EIPR1: variants seen among roughly 807,000 people sequenced by gnomAD.
EIPR1 encodes the protein EARP and GARP complex-interacting protein 1.
A neutral mutation model predicts 48.1 loss-of-function variants in EIPR1; 25 were observed. The observed-to-expected ratio is 0.52, with a 90% CI of 0.38 to 0.73. The LOEUF is 0.73. Ranked by LOEUF, EIPR1 falls within the 30% of genes least tolerant of loss-of-function variation. The pLI is 0.00. For synonymous variants in EIPR1, 204 were observed against 201.9 expected (o/e 1.01, Z -0.09); for missense variants, 415 against 506.2 (o/e 0.82, Z 1.73).
At chr2:3,276,907 T>C (rs1351374105) in intron 3 of EIPR1, among the ~76,000 whole-genome samples, 3 of 152,228 alleles carry the variant, frequency 2.0e-5, no homozygotes, top group Non-Finnish European at 2.9e-5. Context: ...ATTAATTTAC[T>C]GAAATTTCTA....
chr2:3,286,266 G>C lies in EIPR1; in HGVS notation c.260-28811C>G, dbSNP rs1322159235. Among the ~76,000 whole-genome samples, 1 of 152,214 alleles carries C rather than the reference G, an allele frequency of 6.6e-6. No homozygotes were observed. The highest frequency in any genetic ancestry group is 6.5e-5 in the Admixed American group (1 of 15,286). On this transcript the variant is annotated intron_variant, in intron 3 of 8. Transcript: ENST00000382125. This position sits in a 1 kb window ranked among gnomAD's most constrained non-coding sequence, Gnocchi z 4.2. Reference sequence around the variant, plus strand: ...AGGTTGGCCTCATTTACAAACCCAGGGTGATTCGACAACTGCCGTCACCGT... The same window carrying C: ...AGGTTGGCCTCATTTACAAACCCAGCGTGATTCGACAACTGCCGTCACCGT...
chr2:3,208,316 T>C, intron 5 of EIPR1: 2 of 673,346 alleles, frequency 3.0e-6, no homozygotes, highest in Non-Finnish European at 4.8e-6. Flanking sequence ...ACAGGAGAGG[T>C]CTGGGCAGGC....
At chr2:3,228,476 C>T (rs1253373374) in intron 4 of EIPR1, among the ~76,000 whole-genome samples, 3 of 152,192 alleles carry the variant, frequency 2.0e-5, no homozygotes, top group African/African-American at 7.2e-5. Context: ...AGGGACTTGC[C>T]TTGTCTCAGA....
intron 3 of EIPR1, among the ~76,000 whole-genome samples, chr2:3,263,706 C>A (rs1572371807): frequency 6.6e-6 from 1 of 152,054 alleles, no homozygotes; most frequent in Non-Finnish European, 1.5e-5. Flanking sequence ...GTGCGGCCAG[C>A]GCCTTCCCCA....
In EIPR1 at chr2:3,201,666, G is replaced by A. The variant is rs528627525; in HGVS notation, c.517-4649C>T. 6.1e-4 allele frequency among the ~76,000 whole-genome samples: 93 copies of A among 152,314 alleles called. 1 individual carries two copies. The highest frequency in any genetic ancestry group is 2.0e-3 in the African/African-American group (82 of 41,578). ...TGCAAAGCTACCGAGGAAGAAAACAGAGCTGGAAAATTCACGACCCTAAAC... is the reference window on the plus strand; with the variant it reads ...TGCAAAGCTACCGAGGAAGAAAACAAAGCTGGAAAATTCACGACCCTAAAC... On this transcript the variant is annotated intron_variant, in intron 5 of 8. Transcript: ENST00000382125.
chr2:3,189,486 T>A lies in EIPR1; in HGVS notation c.1012A>T (p.Asn338Tyr), dbSNP rs1664525934. Residue 338 changes from asparagine (N) to tyrosine (Y), a missense_variant, in exon 9 of 9, where the codon AAC becomes TAC. Physicochemically the swap from Asn to Tyr is moderately radical, Grantham distance 143. Transcript: ENST00000382125. This position sits in a 1 kb window ranked among gnomAD's most constrained non-coding sequence, Gnocchi z 4.6. ...EEKSKEPLQDNVIATYEEHED... is the reference protein window; with the variant it reads ...EEKSKEPLQDYVIATYEEHED... Reference sequence around the variant, plus strand: ...TGCTCCTCGTAGGTGGCGATCACGTTGTCCTGCAGGGGCTCCTTGCTCCTG... The same window carrying A: ...TGCTCCTCGTAGGTGGCGATCACGTAGTCCTGCAGGGGCTCCTTGCTCCTG... 6.4e-7 allele frequency: 1 copy of A among 1,564,808 alleles called. No individual in the cohort carries two copies. The highest frequency in any genetic ancestry group is 8.7e-7 in the Non-Finnish European group (1 of 1,148,302).
chr2:3,337,472 A>G (rs1670102533), intron 3 of EIPR1, among the ~76,000 whole-genome samples: 1 of 152,206 alleles, frequency 6.6e-6, no homozygotes, highest in South Asian at 2.1e-4. Flanking sequence ...GACGATGACC[A>G]AACAAGGAGA....
chr2:3,213,459 C>G (rs897788737), intron 5 of EIPR1, among the ~76,000 whole-genome samples: 1 of 152,218 alleles, frequency 6.6e-6, no homozygotes, highest in African/African-American at 2.4e-5. Context: ...ATTTTCATAA[C>G]TCATGCAAAT....
intron 3 of EIPR1, among the ~76,000 whole-genome samples, chr2:3,268,044 A>G (rs977195759): frequency 1.3e-5 from 2 of 152,212 alleles, no homozygotes; most frequent in African/African-American, 4.8e-5. Context: ...AGGGGCTTCC[A>G]CGCCATGGTC....
chr2:3,209,796 A>G lies in EIPR1; in HGVS notation c.516+4353T>C, dbSNP rs118011335. The stretch of plus-strand genomic sequence containing the variant: ...AAACCATCCATACTGTATGGATCCA[A>G]CTCTGTGACATCCTGGAAAAAGCAA... On this transcript the variant is annotated intron_variant, in intron 5 of 8. Coordinates refer to ENST00000382125, the MANE Select transcript of EIPR1 (RefSeq NM_003310.5). Among the ~76,000 whole-genome samples the G allele has an allele frequency of 3.4e-3, 515 of 152,310 alleles. 15 individuals are homozygous for G. In the East Asian group the frequency reaches 0.073, roughly 21 times the overall value.
chr2:3,283,146 A>C (rs1668066623), intron 3 of EIPR1, among the ~76,000 whole-genome samples: 1 of 152,210 alleles, frequency 6.6e-6, no homozygotes, highest in Non-Finnish European at 1.5e-5. Flanking sequence ...TTGAGGAATC[A>C]GGGGAAGGCC....
intron 3 of EIPR1, among the ~76,000 whole-genome samples, chr2:3,318,344 C>G (rs1371923174): frequency 6.6e-6 from 1 of 152,194 alleles, no homozygotes; most frequent in Non-Finnish European, 1.5e-5. Context: ...AATGATAGAG[C>G]AGGACGCCGT....
At chr2:3,311,423 G>A (rs917150729) in intron 3 of EIPR1, among the ~76,000 whole-genome samples, 2 of 152,170 alleles carry the variant, frequency 1.3e-5, no homozygotes, top group African/African-American at 4.8e-5. Context: ...TGGGGGTGAG[G>A]GGGCAGCTAC....
chr2:3,295,668 C>T (rs1668549032), intron 3 of EIPR1, among the ~76,000 whole-genome samples: 2 of 136,458 alleles, frequency 1.5e-5, no homozygotes, highest in Non-Finnish European at 3.1e-5. Flanking sequence ...CCTCTCTACT[C>T]ACACACACCC....
chr2:3,256,743 G>T (rs956415385), intron 4 of EIPR1, among the ~76,000 whole-genome samples: 3 of 152,210 alleles, frequency 2.0e-5, no homozygotes, highest in African/African-American at 7.2e-5. Flanking sequence ...TGACTGCCGT[G>T]GAGAGGTCCC....
At chr2:3,303,720 C>G (rs377061531) in intron 3 of EIPR1, among the ~76,000 whole-genome samples, 22 of 152,326 alleles carry the variant, frequency 1.4e-4, no homozygotes, top group East Asian at 9.7e-4. Context: ...GAGTGTTTCC[C>G]GGCACCGTGA....
intron 3 of EIPR1, among the ~76,000 whole-genome samples, chr2:3,317,484 T>C (rs1372029408): frequency 2.0e-5 from 3 of 151,530 alleles, no homozygotes; most frequent in South Asian, 2.1e-4. Context: ...GTGCCTCACA[T>C]GCGGGGTGGA....
intron 3 of EIPR1, among the ~76,000 whole-genome samples, chr2:3,269,387 T>TCAC (rs1667609904): frequency 7.2e-6 from 1 of 139,554 alleles, no homozygotes; most frequent in African/African-American, 2.8e-5. Flanking sequence ...CACTCAGTCA[T>TCAC]CGCACTCAGT....
At chr2:3,342,534 C>T (rs776622551) in intron 2 of EIPR1, among the ~76,000 whole-genome samples, 1 of 152,256 alleles carries the variant, frequency 6.6e-6, no homozygotes, top group South Asian at 2.1e-4. Context: ...GCTGGCCCCT[C>T]GGCCTGGCTG....
Sources: gnomAD v4.1 joint callset for allele counts (sites outside exome capture counted in the v4.1 genomes callset) on GRCh38, gnomAD v4.1.1 for gene constraint, Gnocchi (gnomAD v3.1) non-coding constraint, MANE v1.5 for transcripts, NCBI Gene and HGNC (gene_info 2026-07-23, HGNC 2026-07-21) for gene names.